FBXW8: variants seen among roughly 807,000 people sequenced by gnomAD.
FBXW8 encodes F-box and WD repeat domain containing 8, also known as F-box/WD repeat-containing protein 8.
A neutral mutation model predicts 65.3 loss-of-function variants in FBXW8; 57 were observed. The ratio of observed to expected loss-of-function variants is 0.87; its 90% CI spans 0.71 to 1.09. The LOEUF is 1.09. FBXW8 is among the 50% of genes least tolerant of loss of function. The pLI is 0.00. For missense variants in FBXW8, 777 were observed against 814.8 expected (o/e 0.95, Z 0.57); for synonymous variants, 308 against 330.2 (o/e 0.93, Z 0.73).
chr12:116,946,908 G>A (rs1882969925), intron 3 of FBXW8, among the ~76,000 whole-genome samples: 1 of 152,050 alleles, frequency 6.6e-6, no homozygotes, highest in Admixed American at 6.5e-5. Context: ...AATGTTAACG[G>A]GGTCCTTTCT....
intron 7 of FBXW8, among the ~76,000 whole-genome samples, chr12:116,990,663 A>G (rs571725544): frequency 1.5e-4 from 23 of 152,334 alleles, no homozygotes; most frequent in African/African-American, 5.3e-4. Flanking sequence ...TTATTCCTGT[A>G]GTAATACAGT....
At chr12:116,937,803 G>C (rs1882270445) in intron 2 of FBXW8, among the ~76,000 whole-genome samples, 1 of 152,012 alleles carries the variant, frequency 6.6e-6, no homozygotes, top group African/African-American at 2.4e-5. Flanking sequence ...GAGCCTTACT[G>C]GTAACCCTAA....
At chr12:116,935,655 AGAT>A (rs1163938407) in intron 2 of FBXW8, among the ~76,000 whole-genome samples, 1 of 152,250 alleles carries the variant, frequency 6.6e-6, no homozygotes, top group African/African-American at 2.4e-5. Context: ...ATTGGGAGCT[AGAT>A]GAAACAAGAA....
chr12:116,919,802 G>C (rs1408752443), intron 1 of FBXW8, among the ~76,000 whole-genome samples: 1 of 152,184 alleles, frequency 6.6e-6, no homozygotes, highest in Admixed American at 6.5e-5. Context: ...TTAAGATATG[G>C]AGTTTTAGGT....
chr12:116,931,167 C>T (rs1371334388), intron 2 of FBXW8, among the ~76,000 whole-genome samples: 1 of 152,186 alleles, frequency 6.6e-6, no homozygotes, highest in Non-Finnish European at 1.5e-5. Context: ...GTTGTTAGCA[C>T]CTTCATTGAA....
chr12:116,980,152 G>A (rs1885210621), intron 5 of FBXW8: 2 of 152,240 alleles, frequency 1.3e-5, no homozygotes, highest in African/African-American at 4.8e-5. Flanking sequence ...CATGTACCCA[G>A]GGATGAGAGA....
chr12:116,985,511 G>C, intron 6 of FBXW8, 109 bp downstream of exon 6: 1 of 1,061,810 alleles, frequency 9.4e-7, no homozygotes, highest in South Asian at 1.7e-5. Context: ...AGCTTCCTGC[G>C]GGCCTTACCT....
chr12:116,932,443 A>G (rs1236011983), intron 2 of FBXW8, among the ~76,000 whole-genome samples: 1 of 152,226 alleles, frequency 6.6e-6, no homozygotes, highest in Non-Finnish European at 1.5e-5. Context: ...AGAGTGGTGA[A>G]AACTGTACCC....
chr12:116,911,044 GACT>G lies in FBXW8; in HGVS notation c.10_12del (p.Tyr4del), dbSNP rs1327025612. On this transcript the variant is annotated inframe_deletion, in exon 1 of 11. Transcript: ENST00000652555. ...AGCGCCGGGAGCGGCGAATATGGACGACTACAGCCTGGATGAGTTCCGTCGGCG... is the reference window on the plus strand; with the variant it reads ...AGCGCCGGGAGCGGCGAATATGGACGACAGCCTGGATGAGTTCCGTCGGCG... 1.5e-5 allele frequency: 21 copies of G among 1,441,196 alleles called. 1 individual carries two copies. In the Middle Eastern group the frequency reaches 3.5e-3, roughly 237 times the overall value. The allele number at this position is 1,441,196 out of a possible 1,614,324, so 89.3% of individuals were successfully genotyped here.
chr12:116,984,845 C>T (rs147585737), intron 5 of FBXW8, among the ~76,000 whole-genome samples: 2,031 of 152,196 alleles, frequency 0.013, 28 homozygotes, highest in South Asian at 0.058. Flanking sequence ...TAAAAATTAG[C>T]TGGGTATGGT....
intron 9 of FBXW8, among the ~76,000 whole-genome samples, chr12:117,026,578 A>G (rs75278326): frequency 0.043 from 6,539 of 151,978 alleles, 174 homozygotes; most frequent in South Asian, 0.1. Flanking sequence ...CCCAGCCCAC[A>G]CAGGCCTCGT....
In FBXW8 at chr12:116,964,805, C is replaced by T. The variant is rs1455165121; in HGVS notation, c.786C>T (p.Val262=). The T allele has an allele frequency of 1.9e-6, 3 of 1,613,138 alleles. No homozygotes were observed. Among genetic ancestry groups the T allele is most frequent in the Non-Finnish European group, 2.5e-6 (3 of 1,179,950 alleles). Residue 262 remains valine, a synonymous_variant, in exon 5 of 11, where the codon GTC becomes GTT. Transcript: ENST00000652555. The part of the protein sequence containing the change: ...EEDEPGMQPN[V]SFVRINSSLA... ...ATGAGCCTGGAATGCAGCCAAATGT[C>T]TCCTTTGTGAGGATAAACAGCTCGT... is the stretch of plus-strand genomic sequence containing the variant.
At chr12:116,941,871 T>G (rs895275551) in intron 2 of FBXW8, among the ~76,000 whole-genome samples, 1 of 152,206 alleles carries the variant, frequency 6.6e-6, no homozygotes, top group Non-Finnish European at 1.5e-5. Flanking sequence ...CATCTTAGTT[T>G]AAAATAATCT....
intron 1 of FBXW8, among the ~76,000 whole-genome samples, chr12:116,917,194 T>G (rs183188608): frequency 5.3e-5 from 8 of 152,316 alleles, no homozygotes; most frequent in Admixed American, 1.3e-4. Context: ...CTCTTCCAAT[T>G]TTTAATTGTT....
At chr12:116,912,453 T>C (rs1234170937) in intron 1 of FBXW8, among the ~76,000 whole-genome samples, 1 of 24,060 alleles carries the variant, frequency 4.2e-5, no homozygotes, top group East Asian at 2.2e-3. Context: ...GAATCATTCT[T>C]TTTTTTTTTT....
In FBXW8 at chr12:116,915,853, A is replaced by G. The variant is rs185522594; in HGVS notation, c.318+4498A>G. The stretch of plus-strand genomic sequence containing the variant: ...TCTTTGGTAGAGATGGGGTTTCACT[A>G]TGTTGGCCAGGCTGGTTTTGAACTC... On this transcript the variant is annotated intron_variant, in intron 1 of 10. Transcript: ENST00000652555. Among the ~76,000 whole-genome samples, 355 of 151,670 alleles carry G rather than the reference A, an allele frequency of 2.3e-3. 4 individuals carry two copies. The highest frequency in any genetic ancestry group is 4.1e-3 in the Non-Finnish European group (276 of 67,938).
In FBXW8 at chr12:116,961,320, A is replaced by T. The variant is rs1883973087; in HGVS notation, c.678-3377A>T. On this transcript the variant is annotated intron_variant, in intron 4 of 10. Transcript: ENST00000652555. This position sits in a 1 kb window ranked among gnomAD's most constrained non-coding sequence, Gnocchi z 4.4. ...GGCCTGTATCTGCACTTTTTAAAGC[A>T]TTCCAGGCAAATTTAATGTGCAGCC... is the stretch of plus-strand genomic sequence containing the variant. Among the ~76,000 whole-genome samples the T allele has an allele frequency of 6.6e-6, 1 of 152,164 alleles. No individual in the cohort carries two copies. The highest frequency in any genetic ancestry group is 6.5e-5 in the Admixed American group (1 of 15,276).
At chr12:116,916,703 G>C (rs1334881328) in intron 1 of FBXW8, among the ~76,000 whole-genome samples, 1 of 152,166 alleles carries the variant, frequency 6.6e-6, no homozygotes, top group Non-Finnish European at 1.5e-5. Context: ...TTTGAGACCA[G>C]CCTGGGCAAA....
At chr12:116,974,223 T>C (rs908440411) in intron 5 of FBXW8, among the ~76,000 whole-genome samples, 4 of 152,234 alleles carry the variant, frequency 2.6e-5, no homozygotes, top group African/African-American at 9.6e-5. Context: ...AGGGATTGGC[T>C]GAGGATTCCC....
Sources: gnomAD v4.1 joint callset for allele counts (sites outside exome capture counted in the v4.1 genomes callset) on GRCh38, gnomAD v4.1.1 for gene constraint, Gnocchi (gnomAD v3.1) non-coding constraint, MANE v1.5 for transcripts, NCBI Gene and HGNC (gene_info 2026-07-23, HGNC 2026-07-21) for gene names.